The following JDP2 variants were observed in gnomAD, a reference collection of about 807,000 sequenced individuals.
JDP2 encodes the protein Jun dimerization protein 2.
Under a neutral mutation model 17.1 loss-of-function variants are expected in JDP2, and 9 were observed. The ratio of observed to expected loss-of-function variants is 0.53; its 90% CI spans 0.32 to 0.92. JDP2 has a LOEUF of 0.92. Ranked by LOEUF, JDP2 falls within the 40% of genes least tolerant of loss-of-function variation. The pLI is 0.04. For synonymous variants in JDP2, 107 were observed against 95.6 expected (o/e 1.12, Z -0.69); for missense variants, 179 against 220.0 (o/e 0.81, Z 1.18).
At chr14:75,459,119 G>A (rs1357203156) in intron 2 of JDP2, among the ~76,000 whole-genome samples, 3 of 152,204 alleles carry the variant, frequency 2.0e-5, no homozygotes, top group Admixed American at 6.5e-5. Flanking sequence ...GTTGCTCAGG[G>A]GAGGACACAA....
rs1306654790 is a variant in JDP2, at chr14:75,472,194, A to G, written c.*2719A>G. ...CTGCCACTGTGCATGTGTGACCTCAACTGCTTTGTGCACCCTGACTGGGGG... is the reference window on the plus strand; with the variant it reads ...CTGCCACTGTGCATGTGTGACCTCAGCTGCTTTGTGCACCCTGACTGGGGG... On this transcript the variant is annotated 3_prime_UTR_variant, in exon 4 of 4. Transcript: ENST00000651602. 2 of 152,178 alleles carry G rather than the reference A, an allele frequency of 1.3e-5. No individual in the cohort carries two copies. Among genetic ancestry groups the G allele is most frequent in the African/African-American group, 2.4e-5 (1 of 41,434 alleles). 9.4% of individuals were successfully genotyped at this position (152,178 alleles called of 1,614,324 possible). A position where few individuals can be genotyped will look rare whatever the true frequency, so the allele number is the denominator to read the frequency against.
intron 2 of JDP2, among the ~76,000 whole-genome samples, chr14:75,449,656 T>G (rs537778051): frequency 6.6e-6 from 1 of 152,196 alleles, no homozygotes; most frequent in East Asian, 1.9e-4. Context: ...TAGACCCCAC[T>G]AAGTCATAAA....
At chr14:75,445,928 A>T (rs1885579581) in intron 2 of JDP2, among the ~76,000 whole-genome samples, 3 of 152,234 alleles carry the variant, frequency 2.0e-5, no homozygotes, top group Non-Finnish European at 4.4e-5. Flanking sequence ...ACTTGTATCT[A>T]GAATATATAA....
chr14:75,463,458 C>T (rs568063546), intron 3 of JDP2, among the ~76,000 whole-genome samples: 5 of 151,776 alleles, frequency 3.3e-5, no homozygotes, highest in East Asian at 1.9e-4. Flanking sequence ...CAGGCGGTGT[C>T]GGCAGTGGGA....
At chr14:75,456,846 G>A (rs1041047579) in intron 2 of JDP2, among the ~76,000 whole-genome samples, 3 of 152,218 alleles carry the variant, frequency 2.0e-5, no homozygotes, top group Non-Finnish European at 2.9e-5. Flanking sequence ...TGTGGCAGGG[G>A]CTTGAGAGCA....
chr14:75,467,305 ATCTTTCAT>A (rs980287968), intron 3 of JDP2, among the ~76,000 whole-genome samples: 1 of 152,074 alleles, frequency 6.6e-6, no homozygotes, highest in African/African-American at 2.4e-5. Context: ...GAGTCAACCC[ATCTTTCAT>A]GCCCAAGGTC....
At chr14:75,462,534 CTGAG>C (rs1225298166) in intron 3 of JDP2, among the ~76,000 whole-genome samples, 2 of 152,164 alleles carry the variant, frequency 1.3e-5, no homozygotes, top group Admixed American at 6.5e-5. Context: ...AAGTGTGGGG[CTGAG>C]TAATTTGCCC....
At chr14:75,429,309 C>T (rs982838198) in intron 1 of JDP2, among the ~76,000 whole-genome samples, 3 of 152,136 alleles carry the variant, frequency 2.0e-5, no homozygotes, top group African/African-American at 7.2e-5. Flanking sequence ...GGCCCGACCA[C>T]GTGTGCTCAG....
rs1884729792 is a variant in JDP2 at position 75,430,146 on chromosome 14, A to G, written c.-24+1894A>G. On this transcript the variant is annotated intron_variant, in intron 1 of 3. Transcript: ENST00000651602. The surrounding 1 kb of genome is among the most constrained non-coding windows in gnomAD (Gnocchi z 4.5). Reference sequence around the variant, plus strand: ...TGTCATCTCCCTACCTGTTTGTAGGATGTGTGGGCATTTTTTTCCAACCTG... The same window carrying G: ...TGTCATCTCCCTACCTGTTTGTAGGGTGTGTGGGCATTTTTTTCCAACCTG... 6.6e-6 allele frequency among the ~76,000 whole-genome samples: 1 copy of G among 152,080 alleles called. No individual in the cohort carries two copies. Among genetic ancestry groups the G allele is most frequent in the Non-Finnish European group, 1.5e-5 (1 of 68,014 alleles).
In JDP2 at chr14:75,469,588, A is replaced by C; in HGVS notation, c.*113A>C. The C allele has an allele frequency of 4.4e-6, 4 of 899,512 alleles. No homozygotes were observed. Among genetic ancestry groups the C allele is most frequent in the Non-Finnish European group, 6.7e-6 (4 of 597,054 alleles). The allele number at this position is 899,512 out of a possible 1,614,324, so 55.7% of individuals were successfully genotyped here. A position where few individuals can be genotyped will look rare whatever the true frequency, so the allele number is the denominator to read the frequency against. The stretch of plus-strand genomic sequence containing the variant: ...CCTTTGGTGCATGAAAAACTGTACA[A>C]TGAGGTTCAGCACAGCCAGCATCAG... On this transcript the variant is annotated 3_prime_UTR_variant, in exon 4 of 4. Transcript: ENST00000651602.
At chr14:75,450,901 C>A (rs1885825163) in intron 2 of JDP2, among the ~76,000 whole-genome samples, 1 of 152,184 alleles carries the variant, frequency 6.6e-6, no homozygotes, top group Non-Finnish European at 1.5e-5. Context: ...CAGAGGGACA[C>A]CTCCTCAGCC....
chr14:75,452,797 G>T (rs1246602775), intron 2 of JDP2, among the ~76,000 whole-genome samples: 1 of 152,174 alleles, frequency 6.6e-6, no homozygotes, highest in East Asian at 1.9e-4. Context: ...CTTGACCCCT[G>T]AGGTGATGTG....
chr14:75,451,023 C>T (rs1402042719), intron 2 of JDP2, among the ~76,000 whole-genome samples: 1 of 152,040 alleles, frequency 6.6e-6, no homozygotes, highest in Non-Finnish European at 1.5e-5. Flanking sequence ...GCATGAAGGC[C>T]AGGGAAGTGT....
At position 75,434,561 on chromosome 14, in the gene JDP2, A is replaced by G. The variant is rs1035937550; in HGVS notation, c.-23-3337A>G. Among the ~76,000 whole-genome samples the G allele has an allele frequency of 5.3e-5, 8 of 152,280 alleles. No individual in the cohort carries two copies. In the East Asian group the frequency reaches 1.4e-3, roughly 26 times the overall value. On this transcript the variant is annotated intron_variant, in intron 1 of 3. Coordinates refer to ENST00000651602, the MANE Select transcript of JDP2 (RefSeq NM_001135048.2). ...CAAAATTTATGGGGCCCGTGCTCCC[A>G]GGGGGTGGCCGCTCCTTCAGGGGGT... is the stretch of plus-strand genomic sequence containing the variant.
intron 2 of JDP2, among the ~76,000 whole-genome samples, chr14:75,451,312 TG>T (rs1321154074): frequency 1.3e-4 from 14 of 107,900 alleles, no homozygotes; most frequent in African/African-American, 5.2e-4. Context: ...AAAGTGACAG[TG>T]GGGGTGGATG....
chr14:75,451,039 A>G (rs547073813), intron 2 of JDP2, among the ~76,000 whole-genome samples: 1 of 152,282 alleles, frequency 6.6e-6, no homozygotes, highest in African/African-American at 2.4e-5. Context: ...AGTGTATGGT[A>G]TATGGCACCT....
intron 1 of JDP2, among the ~76,000 whole-genome samples, chr14:75,436,995 A>T (rs1356763921): frequency 6.6e-6 from 1 of 152,158 alleles, no homozygotes; most frequent in Non-Finnish European, 1.5e-5. Context: ...GGAGTTCAAC[A>T]CCAGCCTGGC....
intron 2 of JDP2, 40 bp from the exon 3 acceptor site, chr14:75,461,386 C>A: frequency 6.8e-7 from 1 of 1,476,734 alleles, no homozygotes; most frequent in Non-Finnish European, 9.3e-7. Flanking sequence ...GTACTCCAAG[C>A]CTGCCTCAGT....
intron 3 of JDP2, among the ~76,000 whole-genome samples, chr14:75,464,077 T>C (rs1487226432): frequency 6.6e-6 from 1 of 152,164 alleles, no homozygotes; most frequent in Non-Finnish European, 1.5e-5. Flanking sequence ...TTGGGCAGCA[T>C]TGTCTGGGCC....
Sources: gnomAD v4.1 joint callset for allele counts (sites outside exome capture counted in the v4.1 genomes callset) on GRCh38, gnomAD v4.1.1 for gene constraint, Gnocchi (gnomAD v3.1) non-coding constraint, MANE v1.5 for transcripts, NCBI Gene and HGNC (gene_info 2026-07-23, HGNC 2026-07-21) for gene names.